C11orf65: variants seen among roughly 807,000 people sequenced by gnomAD.
The protein encoded by C11orf65 is chromosome 11 open reading frame 65.
A neutral mutation model predicts 35.3 loss-of-function variants in C11orf65; 38 were observed. The observed-to-expected ratio is 1.08, with a 90% confidence interval of 0.83 to 1.41. C11orf65 has a LOEUF of 1.41. C11orf65 is among the 40% of genes most tolerant of loss of function. The probability of loss-of-function intolerance (pLI) is 0.00; values close to 1 mark genes in which losing one functional copy is unlikely to be tolerated. For missense variants in C11orf65, 370 were observed against 367.1 expected, an observed-to-expected ratio of 1.01 and a Z score of -0.06; for synonymous variants, 105 against 114.4, an observed-to-expected ratio of 0.92 and a Z score of 0.53.
At chr11:108,363,589 G>C (rs1330843294) in intron 2 of C11orf65, among the ~76,000 whole-genome samples, 1 of 152,140 alleles carries the variant, frequency 6.6e-6, no homozygotes, top group African/African-American at 2.4e-5. Context: ...AGAGGCCAGG[G>C]ATGCTGCTGA....
intron 2 of C11orf65, among the ~76,000 whole-genome samples, chr11:108,357,087 C>G (rs534666241): frequency 1.3e-5 from 2 of 152,216 alleles, no homozygotes; most frequent in Non-Finnish European, 2.9e-5. Context: ...AGTGGGTGCA[C>G]GCACTGTGCG....
rs553156005 is a variant in C11orf65, at chr11:108,419,192, G to A, written c.175-12043C>T. Reference sequence around the variant, plus strand: ...ACAGAGACAGTAAATTAGACGTTCTGCAGGAACACAGGTGCAAATATTTAT... The same window carrying A: ...ACAGAGACAGTAAATTAGACGTTCTACAGGAACACAGGTGCAAATATTTAT... On this transcript the variant is annotated intron_variant, in intron 3 of 8. Transcript: ENST00000393084. Among the ~76,000 whole-genome samples the A allele has an allele frequency of 1.7e-4, 26 of 152,282 alleles. 1 individual carries two copies. Among genetic ancestry groups the A allele is most frequent in the South Asian group, 1.5e-3 (7 of 4,822 alleles).
chr11:108,450,389 G>A (rs1040595281), intron 2 of C11orf65, among the ~76,000 whole-genome samples: 3 of 151,616 alleles, frequency 2.0e-5, no homozygotes, highest in East Asian at 1.9e-4. Flanking sequence ...GCCTAACAAC[G>A]ATAGACTGGA....
rs1384223359 is a variant in C11orf65, at chr11:108,337,490, G to A, written c.227-2198C>T. On this transcript the variant is annotated intron_variant, in intron 2 of 3. Coordinates refer to the C11orf65 transcript ENST00000524755. ...ACTTAGAGAGTTTGTTAAAAACACA[G>A]ATTTCTGATCCCCATTCTTAGAATT... Among the ~76,000 whole-genome samples, 5 of 152,200 alleles carry A rather than the reference G, an allele frequency of 3.3e-5. No individual in the cohort carries two copies. The East Asian group carries it at 9.6e-4, about 29-fold the overall frequency.
intron 2 of C11orf65, among the ~76,000 whole-genome samples, chr11:108,376,748 A>G (rs2091737237): frequency 6.6e-6 from 1 of 152,204 alleles, no homozygotes; most frequent in Non-Finnish European, 1.5e-5. Flanking sequence ...CTAATAAAGA[A>G]AAAAGGAGAG....
In C11orf65 at chr11:108,395,147, AT is replaced by A. The variant is rs1481078289; in HGVS notation, c.561-1770del. On this transcript the variant is annotated intron_variant, in intron 6 of 8. Coordinates refer to ENST00000393084, the MANE Select transcript of C11orf65 (RefSeq NM_152587.5). Reference sequence around the variant, plus strand: ...CCTTAACTCTTAAAAAAAAAAAAAAATCATAACACTACTTCCTCCTAGCATT... The same window carrying A: ...CCTTAACTCTTAAAAAAAAAAAAAAACATAACACTACTTCCTCCTAGCATT... 9.6e-5 allele frequency among the ~76,000 whole-genome samples: 14 copies of A among 145,280 alleles called. No homozygotes were observed. In the South Asian group the frequency reaches 1.5e-3, roughly 16 times the overall value.
intron 6 of C11orf65, among the ~76,000 whole-genome samples, chr11:108,404,119 A>G (rs2092493419): frequency 1.3e-5 from 2 of 152,068 alleles, no homozygotes; most frequent in South Asian, 4.1e-4. Context: ...CCATCCATCA[A>G]TCACCATCCA....
At chr11:108,356,071 T>C (rs1465321947) in intron 2 of C11orf65, 1 of 152,232 alleles carries the variant, frequency 6.6e-6, no homozygotes, top group Admixed American at 6.5e-5. Flanking sequence ...TCAAATTCTG[T>C]TCATACATGT....
intron 2 of C11orf65, among the ~76,000 whole-genome samples, chr11:108,371,368 AT>A (rs2091570053): frequency 6.6e-6 from 1 of 152,166 alleles, no homozygotes; most frequent in African/African-American, 2.4e-5. Context: ...TTCTATACCC[AT>A]TAAACAACTC....
intron 2 of C11orf65, among the ~76,000 whole-genome samples, chr11:108,439,885 G>C (rs1002371999): frequency 6.6e-6 from 1 of 152,132 alleles, no homozygotes; most frequent in Non-Finnish European, 1.5e-5. Flanking sequence ...ATGGATACTG[G>C]TGATAGGTGC....
chr11:108,375,554 A>G (rs1388798521), intron 2 of C11orf65, among the ~76,000 whole-genome samples: 1 of 151,402 alleles, frequency 6.6e-6, no homozygotes, highest in African/African-American at 2.4e-5. Context: ...AAGACCATCA[A>G]GACTAGGAAG....
chr11:108,341,286 C>G (rs956415356), intron 2 of C11orf65, among the ~76,000 whole-genome samples: 1 of 152,136 alleles, frequency 6.6e-6, no homozygotes, highest in African/African-American at 2.4e-5. Context: ...TTACTTCATT[C>G]AGGCTTCTGC....
rs548728594 is a variant in C11orf65, at chr11:108,382,889, T to C, written c.*132A>G. 168 of 1,529,782 alleles carry C rather than the reference T, an allele frequency of 1.1e-4. No individual in the cohort carries two copies. In the African/African-American group the frequency reaches 2.3e-3, roughly 21 times the overall value. The allele number at this position is 1,529,782 out of a possible 1,614,324, so 94.8% of individuals were successfully genotyped here. On this transcript the variant is annotated 3_prime_UTR_variant, in exon 9 of 9. Coordinates refer to ENST00000393084, the MANE Select transcript of C11orf65 (RefSeq NM_152587.5). The stretch of plus-strand genomic sequence containing the variant: ...GTGTTCTATTTCTGCTCAATCTTCC[T>C]TACTTAACTGAGCTAGATTCTGTGC...
At chr11:108,452,076 A>G (rs2135663265) in intron 2 of C11orf65, among the ~76,000 whole-genome samples, 1 of 152,066 alleles carries the variant, frequency 6.6e-6, no homozygotes, top group South Asian at 2.1e-4. Flanking sequence ...AGGCAATACC[A>G]TTCAGGACAT....
intron 2 of C11orf65, among the ~76,000 whole-genome samples, chr11:108,447,270 G>T (rs1328019240): frequency 1.3e-5 from 2 of 152,046 alleles, no homozygotes; most frequent in Non-Finnish European, 2.9e-5. Context: ...ACTCAGCTCT[G>T]CACCAAGCGG....
At chr11:108,379,723 C>T (rs1373666105), downstream of C11orf65, among the ~76,000 whole-genome samples, 2 of 151,870 alleles carry the variant, frequency 1.3e-5, no homozygotes, top group Non-Finnish European at 2.9e-5. Flanking sequence ...GGGACTTCTA[C>T]ACAAGGACAA....
chr11:108,363,649 C>CA (rs1204988718), intron 2 of C11orf65, among the ~76,000 whole-genome samples: 1 of 152,156 alleles, frequency 6.6e-6, no homozygotes, highest in African/African-American at 2.4e-5. Context: ...ATACCCCATC[C>CA]AAAATGACAA....
chr11:108,382,109 G>A (rs1339749104), downstream of C11orf65, among the ~76,000 whole-genome samples: 1 of 152,158 alleles, frequency 6.6e-6, no homozygotes, highest in Non-Finnish European at 1.5e-5. Flanking sequence ...GATGACTGCA[G>A]CCCTGGCCAA....
chr11:108,439,647 A>G (rs1390808281), intron 2 of C11orf65, among the ~76,000 whole-genome samples: 2 of 152,218 alleles, frequency 1.3e-5, no homozygotes, highest in Non-Finnish European at 2.9e-5. Context: ...CATCCTTAGA[A>G]AGGAATGAAA....
Sources: allele counts gnomAD v4.1 joint callset (sites outside exome capture counted in the v4.1 genomes callset), GRCh38; gene constraint gnomAD v4.1.1; transcripts MANE v1.5; gene names NCBI Gene and HGNC (gene_info 2026-07-23, HGNC 2026-07-21).